The following SNX31 variants were observed in gnomAD, a reference collection of about 807,000 sequenced individuals.
The protein encoded by SNX31 is sorting nexin-31.
A neutral mutation model predicts 65.4 loss-of-function variants in SNX31; 58 were observed. The ratio of observed to expected loss-of-function variants is 0.89; its 90% CI spans 0.72 to 1.10. The LOEUF is 1.10. Ranked by LOEUF, SNX31 falls within the 50% of genes least tolerant of loss-of-function variation. The pLI is 0.00. For missense variants in SNX31, 523 were observed against 529.7 expected (o/e 0.99, Z 0.12); for synonymous variants, 181 against 190.1 (o/e 0.95, Z 0.39).
intron 11 of SNX31, among the ~76,000 whole-genome samples, chr8:100,587,918 A>G (rs531340946): frequency 1.3e-5 from 2 of 152,344 alleles, no homozygotes; most frequent in South Asian, 4.1e-4. Context: ...TGCAAACAAC[A>G]TAGAGTGTAG....
chr8:100,591,170 C>T lies in SNX31; in HGVS notation c.979-2191G>A, dbSNP rs137980219. Among the ~76,000 whole-genome samples the T allele has an allele frequency of 7.7e-3, 1,177 of 152,242 alleles. 23 individuals are homozygous for T. The highest frequency in any genetic ancestry group is 0.027 in the African/African-American group (1,138 of 41,554). ...CTACATGAGGCTGGGGAAAGAACAT[C>T]TGGAAAGCAGTAGGTTGGAAATTGC... On this transcript the variant is annotated intron_variant, in intron 10 of 13. Transcript: ENST00000311812.
Position 100,648,594 on chromosome 8 carries a change from C to T in SNX31, c.141+680G>A, listed in dbSNP as rs765256137. On this transcript the variant is annotated intron_variant, in intron 2 of 13. Transcript: ENST00000311812. This position sits in a 1 kb window ranked among gnomAD's most constrained non-coding sequence, Gnocchi z 4.3. ...TATTTCTAAACTTTCATTTACTTCT[C>T]TAATCCATTTTGAAGACTTATAACA... Among the ~76,000 whole-genome samples, 2 of 152,108 alleles carry T rather than the reference C, an allele frequency of 1.3e-5. No homozygotes were observed. The highest frequency in any genetic ancestry group is 2.4e-5 in the African/African-American group (1 of 41,404).
chr8:100,606,408 A>G (rs560564790), intron 8 of SNX31, among the ~76,000 whole-genome samples: 5 of 152,354 alleles, frequency 3.3e-5, no homozygotes, highest in East Asian at 1.9e-4. Context: ...TAAAAATACA[A>G]TGGTGAACAT....
At position 100,608,547 on chromosome 8, in the gene SNX31, G is replaced by A. The variant is rs1220128267; in HGVS notation, c.628C>T (p.Leu210Phe). Residue 210 changes from leucine (L) to phenylalanine (F), a missense_variant, in exon 8 of 14, where the codon CTC becomes TTC. Physicochemically the swap from Leu to Phe is conservative, Grantham distance 22. Coordinates refer to ENST00000311812, the MANE Select transcript of SNX31 (RefSeq NM_152628.4). Reference protein sequence around the residue: ...GLRKWYMAPSLDSVLMDCRVA... With the variant: ...GLRKWYMAPSFDSVLMDCRVA... ...CTGCAGTCCATCAGCACGGAGTCGA[G>A]GGATGGAGCCATATACCTGCAAAAT... 2.5e-6 allele frequency: 4 copies of A among 1,613,976 alleles called. No individual in the cohort carries two copies. Among genetic ancestry groups the A allele is most frequent in the Non-Finnish European group, 2.5e-6 (3 of 1,179,916 alleles).
intron 11 of SNX31, among the ~76,000 whole-genome samples, chr8:100,585,414 G>C (rs892270499): frequency 6.6e-6 from 1 of 152,162 alleles, no homozygotes; most frequent in African/African-American, 2.4e-5. Flanking sequence ...GGAGGAGAGA[G>C]TGAGAGAAAG....
In SNX31 at chr8:100,573,932, C is replaced by G. The variant is rs758023579; in HGVS notation, c.1256G>C (p.Arg419Thr). The G allele has an allele frequency of 6.3e-7, 1 of 1,584,904 alleles. No homozygotes were observed. Among genetic ancestry groups the G allele is most frequent in the Middle Eastern group, 1.7e-4 (1 of 5,986 alleles). Residue 419 changes from arginine to threonine, a missense_variant, in exon 14 of 14, where the codon AGA becomes ACA. Transcript: ENST00000311812. ...TTTAGCTATCTTAATCTTGCTTTTTCTTGATAGAAAACTAGAATAGTCTTT... is the reference window on the plus strand; with the variant it reads ...TTTAGCTATCTTAATCTTGCTTTTTGTTGATAGAAAACTAGAATAGTCTTT... ...QQKDYSSFLS[R>T]KSKIKIAKDD...
chr8:100,581,528 T>TC (rs1813555722), intron 12 of SNX31, among the ~76,000 whole-genome samples: 3 of 152,140 alleles, frequency 2.0e-5, no homozygotes, highest in Middle Eastern at 3.4e-3. Flanking sequence ...ATTTCTTTTT[T>TC]CCCTCATTTC....
intron 9 of SNX31, among the ~76,000 whole-genome samples, chr8:100,598,671 T>C (rs1815332679): frequency 6.6e-6 from 1 of 152,186 alleles, no homozygotes; most frequent in South Asian, 2.1e-4. Context: ...GTTAAGATTG[T>C]ACCTAAAAAA....
intron 12 of SNX31, among the ~76,000 whole-genome samples, chr8:100,581,325 C>CTCTATATATATA (rs1554570454): frequency 3.1e-5 from 4 of 129,360 alleles, no homozygotes; most frequent in African/African-American, 1.4e-4. Context: ...ATATCTATAT[C>CTCTATATATATA]TATCTATCTA....
intron 4 of SNX31, among the ~76,000 whole-genome samples, chr8:100,621,073 G>A (rs1817648785): frequency 6.6e-6 from 1 of 152,180 alleles, no homozygotes; most frequent in Non-Finnish European, 1.5e-5. Flanking sequence ...GAACCCGGGA[G>A]GTGGAGGTTG....
chr8:100,584,045 G>C (rs1264103924), intron 12 of SNX31, 66 bp downstream of exon 12: 2 of 1,440,128 alleles, frequency 1.4e-6, no homozygotes, highest in African/African-American at 2.9e-5. Context: ...AGTGTAGTTT[G>C]GTCTCCAACT....
chr8:100,617,610 CA>C lies in SNX31; in HGVS notation c.432+9del. On this transcript the variant is annotated intron_variant, in intron 5 of 13. Transcript: ENST00000311812. ...TTCAGTTCTGGAGCTGGAGTTTAAA[CA>C]AAGCTTACCTCTAGGACTCTTTCAG... 6.3e-7 allele frequency: 1 copy of C among 1,575,598 alleles called. No homozygotes were observed. Among genetic ancestry groups the C allele is most frequent in the Non-Finnish European group, 8.7e-7 (1 of 1,148,476 alleles).
intron 12 of SNX31, among the ~76,000 whole-genome samples, chr8:100,582,765 C>T (rs1813664359): frequency 6.6e-6 from 1 of 151,756 alleles, no homozygotes; most frequent in South Asian, 2.1e-4. Context: ...ATCATGAGGT[C>T]AGGAGATCGA....
chr8:100,603,496 C>A lies in SNX31; in HGVS notation c.682-3055G>T, dbSNP rs191039904. Among the ~76,000 whole-genome samples the A allele has an allele frequency of 1.1e-4, 16 of 141,820 alleles. No homozygotes were observed. The East Asian group carries it at 3.4e-3, about 30-fold the overall frequency. The allele number at this position is 141,820 out of a possible 152,430, so 93.0% of individuals were successfully genotyped here. Reference sequence around the variant, plus strand: ...TGTTGCCCAGGCTGGAGTGCAATGGCGCAATCTCGGCTCACTGCAACCTCC... The same window carrying A: ...TGTTGCCCAGGCTGGAGTGCAATGGAGCAATCTCGGCTCACTGCAACCTCC... On this transcript the variant is annotated intron_variant, in intron 8 of 13. Transcript: ENST00000311812.
At chr8:100,640,251 C>T (rs759708406) in intron 2 of SNX31, among the ~76,000 whole-genome samples, 15 of 152,156 alleles carry the variant, frequency 9.9e-5, no homozygotes, top group Non-Finnish European at 2.1e-4. Flanking sequence ...CCTCGCCTCC[C>T]GAGTAGCTGG....
chr8:100,613,212 C>T lies in SNX31; in HGVS notation c.433-127G>A, dbSNP rs976174094. The T allele has an allele frequency of 3.0e-6, 2 of 672,380 alleles. No homozygotes were observed. Among genetic ancestry groups the T allele is most frequent in the Admixed American group, 2.9e-5 (1 of 34,548 alleles). 41.7% of individuals were successfully genotyped at this position (672,380 alleles called of 1,614,324 possible). A position where few individuals can be genotyped will look rare whatever the true frequency, so the allele number is the denominator to read the frequency against. The stretch of plus-strand genomic sequence containing the variant: ...AAATGCTGTCATGGGTTAGTGAACA[C>T]TCAAAGAAAGCTTTTTGGAATCAAA... On this transcript the variant is annotated intron_variant, in intron 5 of 13. Transcript: ENST00000311812. This position sits in a 1 kb window ranked among gnomAD's most constrained non-coding sequence, Gnocchi z 5.2.
At chr8:100,642,398 C>A (rs906124633) in intron 2 of SNX31, among the ~76,000 whole-genome samples, 1 of 152,204 alleles carries the variant, frequency 6.6e-6, no homozygotes, top group Non-Finnish European at 1.5e-5. Flanking sequence ...AGCCTTGAAT[C>A]AACAGGGCTG....
In SNX31 at chr8:100,630,245, CAT is replaced by C. The variant is rs1350555296; in HGVS notation, c.321+80_321+81del. On this transcript the variant is annotated intron_variant, in intron 4 of 13. Transcript: ENST00000311812. The surrounding 1 kb of genome is among the most constrained non-coding windows in gnomAD (Gnocchi z 5.3). ...TCTGTGGGGCTGTGACCAGTGCACA[CAT>C]GTGTGTGTACCTGCACACTTGGTTC... is the stretch of plus-strand genomic sequence containing the variant. 8.4e-6 allele frequency: 11 copies of C among 1,316,038 alleles called. No individual in the cohort carries two copies. The highest frequency in any genetic ancestry group is 2.3e-5 in the East Asian group (1 of 42,856). 81.5% of individuals were successfully genotyped at this position (1,316,038 alleles called of 1,614,324 possible).
chr8:100,593,835 T>C (rs946120831), intron 10 of SNX31, among the ~76,000 whole-genome samples: 5 of 151,974 alleles, frequency 3.3e-5, no homozygotes, highest in Admixed American at 3.3e-4. Context: ...AACCCCTAAC[T>C]GTAAAACTTT....
Sources: gnomAD v4.1 joint callset for allele counts (sites outside exome capture counted in the v4.1 genomes callset) on GRCh38, gnomAD v4.1.1 for gene constraint, Gnocchi (gnomAD v3.1) non-coding constraint, MANE v1.5 for transcripts, NCBI Gene and HGNC (gene_info 2026-07-23, HGNC 2026-07-21) for gene names.